The following TIAM2 variants were observed in gnomAD, a reference collection of about 807,000 sequenced individuals.
The protein encoded by TIAM2 is TIAM Rac1 associated GEF 2.
TIAM2 carries 80 observed loss-of-function variants against 152.9 expected under a neutral mutation model. That is an observed-to-expected ratio of 0.52 (90% CI 0.44 to 0.63). The LOEUF is 0.63. Among genes scored for constraint, TIAM2 ranks in the 30% least tolerant of loss-of-function variants. The probability of loss-of-function intolerance (pLI) is 0.00; values close to 1 mark genes in which losing one functional copy is unlikely to be tolerated. For synonymous variants in TIAM2, 804 were observed against 838.0 expected (o/e 0.96, Z 0.70); for missense variants, 1,965 against 2,120.1 (o/e 0.93, Z 1.44).
At chr6:155,053,165 A>C (rs920305849) in intron 1 of TIAM2, among the ~76,000 whole-genome samples, 3 of 152,228 alleles carry the variant, frequency 2.0e-5, no homozygotes, top group African/African-American at 7.2e-5. Context: ...ATATTTAGAA[A>C]GTTTAGATAG....
rs865962866 is a variant in TIAM2 at position 155,029,455 on chromosome 6, T to C, written c.-209+33963T>C. 3.8e-4 allele frequency among the ~76,000 whole-genome samples: 16 copies of C among 41,730 alleles called. 1 individual carries two copies. Among genetic ancestry groups the C allele is most frequent in the East Asian group, 3.6e-3 (7 of 1,930 alleles). The allele number at this position is 41,730 out of a possible 152,430, so 27.4% of individuals were successfully genotyped here. A position where few individuals can be genotyped will look rare whatever the true frequency, so the allele number is the denominator to read the frequency against. On this transcript the variant is annotated intron_variant, in intron 1 of 26. Transcript: ENST00000682666. ...AGTATATATTATACTATAGTATATA[T>C]TATATATAATATATACTATAGTATA...
chr6:155,123,025 C>T (rs1461969869), intron 2 of TIAM2, among the ~76,000 whole-genome samples: 1 of 152,058 alleles, frequency 6.6e-6, no homozygotes, highest in Non-Finnish European at 1.5e-5. Context: ...TCCCTTGCTT[C>T]CAGACAAAAA....
At chr6:155,187,900 G>A (rs866899553) in intron 14 of TIAM2, among the ~76,000 whole-genome samples, 9 of 152,032 alleles carry the variant, frequency 5.9e-5, no homozygotes, top group Non-Finnish European at 1.2e-4. Context: ...TTTAACTTGC[G>A]CAGGTGTGGA....
intron 1 of TIAM2, among the ~76,000 whole-genome samples, chr6:155,056,218 CTG>C (rs2114931147): frequency 7.6e-6 from 1 of 130,852 alleles, no homozygotes; most frequent in South Asian, 2.4e-4. Context: ...GTCATCCAGG[CTG>C]GAGTGCAGTG....
At chr6:155,068,633 T>A (rs985078222) in intron 1 of TIAM2, among the ~76,000 whole-genome samples, 1 of 145,808 alleles carries the variant, frequency 6.9e-6, no homozygotes. Flanking sequence ...AATTTTTGTA[T>A]TTTTGTAGAG....
intron 7 of TIAM2, 34 bp from the exon 8 acceptor site, chr6:155,164,381 T>C: frequency 6.5e-7 from 1 of 1,543,834 alleles, no homozygotes; most frequent in South Asian, 1.2e-5. Context: ...AAACTTTTAA[T>C]TTTTATTTAA....
intron 2 of TIAM2, among the ~76,000 whole-genome samples, chr6:155,113,750 G>T (rs889159801): frequency 2.6e-5 from 4 of 151,856 alleles, no homozygotes; most frequent in South Asian, 2.1e-4. Context: ...GTTGTTTATT[G>T]TTCATCTCTC....
intron 14 of TIAM2, among the ~76,000 whole-genome samples, chr6:155,190,159 A>G (rs887673244): frequency 5.3e-5 from 8 of 152,256 alleles, no homozygotes; most frequent in Admixed American, 1.3e-4. Flanking sequence ...TATAAAATAT[A>G]GAGAACTTGT....
At chr6:154,997,676 T>A (rs1778241836) in intron 1 of TIAM2, among the ~76,000 whole-genome samples, 1 of 145,986 alleles carries the variant, frequency 6.8e-6, no homozygotes, top group South Asian at 2.3e-4. Context: ...GATCTCCCTT[T>A]GTTGACCAGG....
chr6:155,148,697 T>C (rs1255683099), intron 7 of TIAM2, among the ~76,000 whole-genome samples: 1 of 152,212 alleles, frequency 6.6e-6, no homozygotes, highest in East Asian at 1.9e-4. Flanking sequence ...ACAGGTAAGA[T>C]TCTAATACAA....
At chr6:155,197,807 GC>G (rs1781382800) in intron 14 of TIAM2, among the ~76,000 whole-genome samples, 1 of 152,154 alleles carries the variant, frequency 6.6e-6, no homozygotes, top group East Asian at 1.9e-4. Context: ...AAGTAACCAT[GC>G]CCAAGGTTAA....
chr6:155,249,225 A>T (rs1783509476), intron 20 of TIAM2, among the ~76,000 whole-genome samples: 1 of 152,258 alleles, frequency 6.6e-6, no homozygotes, highest in Admixed American at 6.5e-5. Flanking sequence ...TTATAAAATA[A>T]TGTATCTCTC....
At chr6:155,216,767 C>A (rs887165789) in intron 15 of TIAM2, 2 of 352,144 alleles carry the variant, frequency 5.7e-6, no homozygotes, top group South Asian at 8.5e-5. Flanking sequence ...GCTCAGGAGA[C>A]GTGGCCCTCT....
At chr6:155,007,571 G>A (rs1778422703) in intron 1 of TIAM2, among the ~76,000 whole-genome samples, 1 of 152,076 alleles carries the variant, frequency 6.6e-6, no homozygotes, top group Non-Finnish European at 1.5e-5. Context: ...CATACTGACA[G>A]TGAAAACGAT....
At chr6:155,125,297 C>A (rs747333832) in intron 2 of TIAM2, among the ~76,000 whole-genome samples, 3 of 151,758 alleles carry the variant, frequency 2.0e-5, no homozygotes, top group Non-Finnish European at 4.4e-5. Flanking sequence ...GCCATTGAAC[C>A]CTCCTAAGAA....
intron 1 of TIAM2, among the ~76,000 whole-genome samples, chr6:155,061,123 C>T (rs890489666): frequency 6.6e-6 from 1 of 152,168 alleles, no homozygotes; most frequent in Admixed American, 6.6e-5. Flanking sequence ...AGTGTTACTA[C>T]GTCTTCTAGG....
intron 1 of TIAM2, among the ~76,000 whole-genome samples, chr6:155,023,042 GTTT>G (rs762200760): frequency 1.0e-4 from 9 of 88,314 alleles, no homozygotes; most frequent in African/African-American, 3.0e-4. Flanking sequence ...TTTTTGTTCT[GTTT>G]TTTTTTTTTT....
rs1780827795 is a variant in TIAM2 at position 155,179,085 on chromosome 6, T to C, written c.2570T>C (p.Leu857Ser). 6.2e-7 allele frequency: 1 copy of C among 1,614,068 alleles called. No individual in the cohort carries two copies. Among genetic ancestry groups the C allele is most frequent in the African/African-American group, 1.3e-5 (1 of 74,932 alleles). The change falls in exon 11 of 27, where the codon TTA (leucine) becomes TCA (serine). Residue 857 changes from leucine (L) to serine (S), a missense_variant. Physicochemically the swap from Leu to Ser is moderately radical, Grantham distance 145. Transcript: ENST00000682666. ...PSHYGLQLRK[L>S]VDDNVEYCIP... ...CATTATGGCCTACAGCTTCGAAAAT[T>C]AGTAGATGACAATGTTGAGTATTGC...
At chr6:155,084,409 T>C (rs752027331) in intron 1 of TIAM2, among the ~76,000 whole-genome samples, 2 of 152,222 alleles carry the variant, frequency 1.3e-5, no homozygotes, top group Non-Finnish European at 2.9e-5. Context: ...TGTCATTAAC[T>C]AAAAAATAGT....
Sources: allele counts gnomAD v4.1 joint callset (sites outside exome capture counted in the v4.1 genomes callset), GRCh38; gene constraint gnomAD v4.1.1; transcripts MANE v1.5; gene names NCBI Gene and HGNC (gene_info 2026-07-23, HGNC 2026-07-21).